The following TMEM145 variants were observed in gnomAD, a reference collection of about 807,000 sequenced individuals.
TMEM145 encodes transmembrane protein 145.
In TMEM145, 46 loss-of-function variants were observed where a neutral mutation model predicts 68.5. The observed-to-expected ratio is 0.67, with a 90% CI of 0.53 to 0.86. The LOEUF (loss-of-function observed/expected upper bound fraction) is 0.86. Among genes scored for constraint, TMEM145 ranks in the 40% least tolerant of loss-of-function variants. TMEM145 has a pLI of 0.00. For synonymous variants in TMEM145, 255 were observed against 280.2 expected (o/e 0.91, Z 0.90); for missense variants, 570 against 645.8 (o/e 0.88, Z 1.27).
rs768633535 is a variant in TMEM145, at chr19:42,324,824, T to A, written c.*7T>A. The A allele has an allele frequency of 6.4e-7, 1 of 1,557,224 alleles. No homozygotes were observed. Among genetic ancestry groups the A allele is most frequent in the African/African-American group, 1.4e-5 (1 of 71,398 alleles). On this transcript the variant is annotated 3_prime_UTR_variant, in exon 15 of 15. Transcript: ENST00000301204. ...CCCCCTTCGAGACCTCTGACCCCGC[T>A]GGACTCCGGAACACCCGTGGTGACC...
Position 42,313,515 on chromosome 19 carries a change from C to G in TMEM145, c.120+19C>G, listed in dbSNP as rs1323276352. On this transcript the variant is annotated intron_variant, in intron 1 of 14. Transcript: ENST00000301204. This position sits in a 1 kb window ranked among gnomAD's most constrained non-coding sequence, Gnocchi z 5.1. ...CAAGGAGGTGAGCATGCCGAGCCCT[C>G]CTCTGCGGCCCGCCGGCCCCCGGGG... 7.9e-7 allele frequency: 1 copy of G among 1,263,792 alleles called. No homozygotes were observed. The highest frequency in any genetic ancestry group is 1.0e-6 in the Non-Finnish European group (1 of 998,118). The allele number at this position is 1,263,792 out of a possible 1,614,324, so 78.3% of individuals were successfully genotyped here. A position where few individuals can be genotyped will look rare whatever the true frequency, so the allele number is the denominator to read the frequency against.
intron 8 of TMEM145, among the ~76,000 whole-genome samples, 186 bp from the exon 9 acceptor site, chr19:42,316,295 C>T (rs1161029333): frequency 6.6e-6 from 1 of 151,254 alleles, no homozygotes; most frequent in Non-Finnish European, 1.5e-5. Flanking sequence ...GGGCCTGGGC[C>T]CCTGGGTCCT....
chr19:42,321,377 G>A (rs557513981), intron 13 of TMEM145: 40 of 354,348 alleles, frequency 1.1e-4, no homozygotes, highest in East Asian at 6.5e-4. Context: ...CACCATGCCC[G>A]GTTAAGTGGT....
intron 8 of TMEM145, 86 bp downstream of exon 8, chr19:42,315,526 C>T: frequency 7.1e-7 from 1 of 1,418,364 alleles, no homozygotes; most frequent in South Asian, 1.2e-5. Context: ...TGCCTGGGGG[C>T]CTGGACTCCT....
chr19:42,315,214 CT>C lies in TMEM145; in HGVS notation c.533del (p.Leu178ProfsTer18). 6.2e-7 allele frequency: 1 copy of C among 1,607,938 alleles called. No homozygotes were observed. The highest frequency in any genetic ancestry group is 8.5e-7 in the Non-Finnish European group (1 of 1,175,938). On this transcript the variant is annotated frameshift_variant, in exon 7 of 15. Coordinates refer to ENST00000301204, the MANE Select transcript of TMEM145 (RefSeq NM_173633.3). LOFTEE classifies it high-confidence loss of function. ...FGILETDVTF[L>X]LIFILIFFLS... ...GATCCTGGAGACAGATGTGACCTTC[CT>C]CCTCATCTTCATCCTCATCTTCTTC...
intron 8 of TMEM145, among the ~76,000 whole-genome samples, chr19:42,315,734 A>G (rs1017046110): frequency 2.7e-5 from 4 of 150,392 alleles, no homozygotes; most frequent in Non-Finnish European, 5.9e-5. Context: ...TTGAGGGAGT[A>G]TAAAGGCCGG....
chr19:42,317,656 C>G, intron 11 of TMEM145, 53 bp from the exon 12 acceptor site: 1 of 1,601,852 alleles, frequency 6.2e-7, no homozygotes, highest in South Asian at 1.1e-5. Flanking sequence ...GTCCGGGGAC[C>G]CTAATAGAGG....
At position 42,315,030 on chromosome 19, in the gene TMEM145, C is replaced by G. The variant is rs1200440086; in HGVS notation, c.458C>G (p.Thr153Ser). 1 of 1,614,118 alleles carries G rather than the reference C, an allele frequency of 6.2e-7. No individual in the cohort carries two copies. Among genetic ancestry groups the G allele is most frequent in the South Asian group, 1.1e-5 (1 of 91,072 alleles). ...CAGCTGGAGTATGAGATGGTCCTCA[C>G]CAATGGCAAGTCCTTCTGGACACGA... ...GLQLEYEMVL[T>S]NGKSFWTRHF... Residue 153 changes from threonine to serine, a missense_variant, in exon 6 of 15, where the codon ACC becomes AGC. Physicochemically the swap from Thr to Ser is moderately conservative, Grantham distance 58 (BLOSUM62 1). Coordinates refer to ENST00000301204, the MANE Select transcript of TMEM145 (RefSeq NM_173633.3).
chr19:42,317,687 G>A, intron 11 of TMEM145, 22 bp from the exon 12 acceptor site: 1 of 1,613,370 alleles, frequency 6.2e-7, no homozygotes, highest in Non-Finnish European at 8.5e-7. Context: ...AGGCTGTGAT[G>A]GACCCTCTCC....
chr19:42,316,802 G>A, intron 10 of TMEM145, 62 bp downstream of exon 10: 1 of 1,609,722 alleles, frequency 6.2e-7, no homozygotes, highest in South Asian at 1.1e-5. Flanking sequence ...GGCAGGGTTG[G>A]GGGGCTGGGT....
rs759635439 is a variant in TMEM145 at position 42,314,490 on chromosome 19, C to G, written c.235C>G (p.Pro79Ala). Residue 79 changes from proline to alanine, a missense_variant, in exon 3 of 15, where the codon CCA becomes GCA. Coordinates refer to ENST00000301204, the MANE Select transcript of TMEM145 (RefSeq NM_173633.3). ...CQNILLYFDD[P>A]SQWPAVYKAG... is the part of the protein sequence containing the mutation. The stretch of plus-strand genomic sequence containing the variant: ...GAACATCCTCCTCTATTTTGATGAC[C>G]CATCCCAGTGGCCAGCCGTGTACAA... The G allele has an allele frequency of 1.2e-6, 2 of 1,614,096 alleles. No individual in the cohort carries two copies. Among genetic ancestry groups the G allele is most frequent in the Non-Finnish European group, 1.7e-6 (2 of 1,180,020 alleles).
chr19:42,320,215 C>T, intron 12 of TMEM145, 102 bp from the exon 13 acceptor site: 1 of 1,514,700 alleles, frequency 6.6e-7, no homozygotes, highest in East Asian at 2.3e-5. Flanking sequence ...CAGTTTGGGA[C>T]CTGCCTGGGG....
rs571617832 is a variant in TMEM145 at position 42,316,456 on chromosome 19, T to C, written c.647-25T>C. ...TGCCCCAGAGCTGCTTTCTATCCTT[T>C]CTTATCTGCCCATCCTCCCCTCAGT... On this transcript the variant is annotated intron_variant, in intron 8 of 14. Transcript: ENST00000301204. The C allele has an allele frequency of 1.9e-6, 3 of 1,610,962 alleles. No individual in the cohort carries two copies. The African/African-American group carries it at 4.0e-5, about 21-fold the overall frequency.
chr19:42,316,650 C>G lies in TMEM145; in HGVS notation c.728-12C>G, dbSNP rs2038860746. 1 of 1,613,980 alleles carries G rather than the reference C, an allele frequency of 6.2e-7. No individual in the cohort carries two copies. The highest frequency in any genetic ancestry group is 1.1e-5 in the South Asian group (1 of 91,078). ...GCCTGGCTCTGAGCCGCCCCCTCCT[C>G]CCTTCTCCCAGCCAAGCTGCTCTTC... On this transcript the variant is annotated splice_polypyrimidine_tract_variant and intron_variant, in intron 9 of 14. Transcript: ENST00000301204.
Position 42,316,909 on chromosome 19 carries a change from CTACATGACCCTG to C in TMEM145, c.851_862del (p.Met284_Tyr287del). On this transcript the variant is annotated inframe_deletion, in exon 11 of 15. Coordinates refer to ENST00000301204, the MANE Select transcript of TMEM145 (RefSeq NM_173633.3). ...ACGCGGGCTCCGTGAAGTTGTCTGT[CTACATGACCCTG>C]TACACGCTCACCCATGTGGTGCTGC... 6.2e-7 allele frequency: 1 copy of C among 1,613,826 alleles called. No homozygotes were observed. Among genetic ancestry groups the C allele is most frequent in the Non-Finnish European group, 8.5e-7 (1 of 1,179,982 alleles).
intron 12 of TMEM145, among the ~76,000 whole-genome samples, chr19:42,319,097 A>AAAC (rs1018693673): frequency 6.6e-6 from 1 of 152,168 alleles, no homozygotes; most frequent in South Asian, 2.1e-4. Flanking sequence ...AACAAACAAA[A>AAAC]AACAACAACA....
chr19:42,316,514 G>A lies in TMEM145; in HGVS notation c.680G>A (p.Gly227Asp), dbSNP rs761282437. The change falls in exon 9 of 15, where the codon GGT becomes GAT. Residue 227 changes from glycine to aspartate, a missense_variant. Transcript: ENST00000301204. ...CTCCTATTTTTCTGCATCTACTGGG[G>A]TCAATATGCCACCGATGGCATTGGC... Reference protein sequence around the residue: ...LSLLFFCIYWGQYATDGIGNE... With the variant: ...LSLLFFCIYWDQYATDGIGNE... 6.2e-7 allele frequency: 1 copy of A among 1,614,136 alleles called. No individual in the cohort carries two copies. Among genetic ancestry groups the A allele is most frequent in the Non-Finnish European group, 8.5e-7 (1 of 1,179,998 alleles).
intron 13 of TMEM145, 44 bp from the exon 14 acceptor site, chr19:42,323,539 G>T: frequency 6.3e-7 from 1 of 1,596,688 alleles, no homozygotes; most frequent in Non-Finnish European, 8.6e-7. Context: ...GACAGCCTCC[G>T]GCCTGACAGT....
At chr19:42,322,886 A>T (rs1411897268) in intron 13 of TMEM145, among the ~76,000 whole-genome samples, 1 of 152,050 alleles carries the variant, frequency 6.6e-6, no homozygotes, top group African/African-American at 2.4e-5. Context: ...TTTTTAGTAG[A>T]GATGGAGTTT....
Sources: gnomAD v4.1 joint callset for allele counts (sites outside exome capture counted in the v4.1 genomes callset) on GRCh38, gnomAD v4.1.1 for gene constraint, Gnocchi (gnomAD v3.1) non-coding constraint, MANE v1.5 for transcripts, NCBI Gene and HGNC (gene_info 2026-07-23, HGNC 2026-07-21) for gene names.